Variants in JADE2 observed in about 807,000 individuals in gnomAD.
JADE2 encodes the protein jade family PHD finger 2.
A neutral mutation model predicts 85.7 loss-of-function variants in JADE2; 13 were observed. The ratio of observed to expected loss-of-function variants is 0.15; its 90% CI spans 0.10 to 0.24. The LOEUF (loss-of-function observed/expected upper bound fraction) is 0.24, where lower values mean the gene tolerates loss of function less well. JADE2 is among the 10% of genes least tolerant of loss of function. The pLI is 1.00. For missense variants in JADE2, 846 were observed against 1,115.9 expected, an observed-to-expected ratio of 0.76 and a Z score of 3.45; for synonymous variants, 440 against 456.1, an observed-to-expected ratio of 0.96 and a Z score of 0.45.
chr5:134,570,095 T>C (rs1763898816), intron 9 of JADE2, among the ~76,000 whole-genome samples: 1 of 152,162 alleles, frequency 6.6e-6, no homozygotes, highest in Admixed American at 6.5e-5. Flanking sequence ...TGTCCCTCAC[T>C]GAGGCCAGAA....
chr5:134,531,836 T>C (rs1319645919), intron 1 of JADE2, among the ~76,000 whole-genome samples: 1 of 149,070 alleles, frequency 6.7e-6, no homozygotes, highest in East Asian at 2.0e-4. Context: ...CCACCCACTT[T>C]GGTCTCCCAA....
intron 4 of JADE2, among the ~76,000 whole-genome samples, chr5:134,556,684 ACAC>A (rs1370201633): frequency 1.5e-5 from 2 of 131,784 alleles, no homozygotes; most frequent in African/African-American, 5.9e-5. Context: ...GCACACACAC[ACAC>A]ATCACACAAC....
chr5:134,570,244 G>A (rs1168378273), intron 9 of JADE2, among the ~76,000 whole-genome samples: 4 of 151,962 alleles, frequency 2.6e-5, no homozygotes, highest in Admixed American at 2.6e-4. Context: ...TCAGGACAGC[G>A]TCCCCTCTGT....
chr5:134,534,383 C>T (rs1412124447), intron 1 of JADE2, among the ~76,000 whole-genome samples: 3 of 152,094 alleles, frequency 2.0e-5, no homozygotes, highest in Non-Finnish European at 4.4e-5. Context: ...CCCTTGGAAC[C>T]TCAGCCTCTG....
At chr5:134,554,496 G>T (rs949620932) in intron 4 of JADE2, among the ~76,000 whole-genome samples, 2 of 152,154 alleles carry the variant, frequency 1.3e-5, no homozygotes, top group Non-Finnish European at 2.9e-5. Flanking sequence ...CCTGGCCTGG[G>T]TAATTAATTG....
chr5:134,578,692 C>A lies in JADE2; in HGVS notation c.1880C>A (p.Pro627His), dbSNP rs1764535455. 1 of 1,613,738 alleles carries A rather than the reference C, an allele frequency of 6.2e-7. No homozygotes were observed. The highest frequency in any genetic ancestry group is 8.5e-7 in the Non-Finnish European group (1 of 1,180,006). Residue 627 changes from proline (P) to histidine (H), a missense_variant, in exon 12 of 12, where the codon CCC becomes CAC. This residue lies in a region of JADE2 where 300 missense variants were observed against 300.7 expected (regional missense o/e 1.00). Transcript: ENST00000681547. The surrounding 1 kb of genome is among the most constrained non-coding windows in gnomAD (Gnocchi z 4.4). ...ACACTGCTCAGCTTCATGCGGGACC[C>A]CTCGCTGCGACCTGGTGACCCTGCT... ...EETLLSFMRD[P>H]SLRPGDPARK... is the part of the protein sequence containing the mutation.
At position 134,582,881 on chromosome 5, in the gene JADE2, A is replaced by G. The variant is rs1448943846; in HGVS notation, c.*3564A>G. ...ATATTGAAAAGAGCAATTTTAAATT[A>G]TTTTTGGCTTATGTTGCAATATTTA... On this transcript the variant is annotated 3_prime_UTR_variant, in exon 12 of 12. Coordinates refer to ENST00000681547, the MANE Select transcript of JADE2 (RefSeq NM_001388185.1). 6.6e-6 allele frequency: 1 copy of G among 152,612 alleles called. No homozygotes were observed. The allele number at this position is 152,612 out of a possible 1,614,324, so 9.5% of individuals were successfully genotyped here.
chr5:134,535,712 G>T (rs767106171), intron 1 of JADE2, 146 bp from the exon 2 acceptor site: 3 of 666,622 alleles, frequency 4.5e-6, no homozygotes. Context: ...GGGTGGTGCT[G>T]GCAGAGAAGA....
In JADE2 at chr5:134,525,881, T is replaced by C; in HGVS notation, c.-131T>C. ...CCGCCTCCCTCGCCGCGACCCCGGA[T>C]GGATGCGCGCCCCCCGCCCTCCCGC... On this transcript the variant is annotated 5_prime_UTR_variant, in exon 1 of 12. The change abolishes an upstream ATG in the 5' untranslated region. Coordinates refer to ENST00000681547, the MANE Select transcript of JADE2 (RefSeq NM_001388185.1). 1.0e-6 allele frequency: 1 copy of C among 986,766 alleles called. No homozygotes were observed. The highest frequency in any genetic ancestry group is 1.2e-6 in the Non-Finnish European group (1 of 831,012). The allele number at this position is 986,766 out of a possible 1,614,324, so 61.1% of individuals were successfully genotyped here. A position where few individuals can be genotyped will look rare whatever the true frequency, so the allele number is the denominator to read the frequency against.
chr5:134,574,063 G>A (rs1421238067), intron 10 of JADE2: 5 of 438,432 alleles, frequency 1.1e-5, no homozygotes, highest in Non-Finnish European at 1.7e-5. Context: ...CATGTGAACA[G>A]GTACAGAGAA....
intron 8 of JADE2, among the ~76,000 whole-genome samples, chr5:134,565,060 C>T (rs371214830): frequency 1.3e-5 from 2 of 152,148 alleles, no homozygotes; most frequent in East Asian, 1.9e-4. Context: ...TCAGAATTAC[C>T]TGGAGGGCTT....
intron 1 of JADE2, among the ~76,000 whole-genome samples, chr5:134,527,387 G>A (rs1376730340): frequency 6.6e-6 from 1 of 152,124 alleles, no homozygotes; most frequent in Non-Finnish European, 1.5e-5. Flanking sequence ...GCGATTCGCA[G>A]CTGTTCTGCC....
In JADE2 at chr5:134,566,489, C is replaced by G; in HGVS notation, c.1343C>G (p.Thr448Ser). 6.2e-7 allele frequency: 1 copy of G among 1,612,130 alleles called. No homozygotes were observed. Among genetic ancestry groups the G allele is most frequent in the South Asian group, 1.1e-5 (1 of 90,766 alleles). Residue 448 changes from threonine to serine, a missense_variant, in exon 9 of 12, where the codon ACC becomes AGC. Physicochemically the swap from Thr to Ser is moderately conservative, Grantham distance 58 (BLOSUM62 1). Transcript: ENST00000681547. The surrounding 1 kb of genome is among the most constrained non-coding windows in gnomAD (Gnocchi z 6.7). ...AACCAGCCGCTGCTGACCCCCAAGA[C>G]CGACGAGGTGGACAACCTGGCCCAG... ...NANQPLLTPK[T>S]DEVDNLAQQE...
chr5:134,568,950 A>G (rs987485448), intron 9 of JADE2, among the ~76,000 whole-genome samples: 4 of 152,376 alleles, frequency 2.6e-5, no homozygotes, highest in Middle Eastern at 6.8e-3. Flanking sequence ...CAGCCTGGGC[A>G]GGAATCATCG....
At position 134,562,305 on chromosome 5, in the gene JADE2, T is replaced by C. The variant is rs1255348609; in HGVS notation, c.790T>C (p.Leu264=). Reference sequence around the variant, plus strand: ...GCTCTGCCCCAAGCGAGGAGGAGCCTTGAAGCCCACTAGAAGTGGGACCAA... The same window carrying C: ...GCTCTGCCCCAAGCGAGGAGGAGCCCTGAAGCCCACTAGAAGTGGGACCAA... ...CLLCPKRGGA[L]KPTRSGTKWV... is the part of the protein sequence containing the mutation. Residue 264 remains leucine (L), a synonymous_variant, in exon 7 of 12, where the codon TTG becomes CTG. Coordinates refer to ENST00000681547, the MANE Select transcript of JADE2 (RefSeq NM_001388185.1). The surrounding 1 kb of genome is among the most constrained non-coding windows in gnomAD (Gnocchi z 4.6). The C allele has an allele frequency of 3.1e-6, 5 of 1,614,048 alleles. No individual in the cohort carries two copies. The highest frequency in any genetic ancestry group is 3.4e-6 in the Non-Finnish European group (4 of 1,179,992).
chr5:134,534,219 G>C (rs1015069096), intron 1 of JADE2, among the ~76,000 whole-genome samples: 4 of 152,134 alleles, frequency 2.6e-5, no homozygotes, highest in African/African-American at 9.7e-5. Context: ...TCTGCAAAAG[G>C]GAAGCAGCCA....
chr5:134,528,746 C>T (rs6894631), intron 1 of JADE2, among the ~76,000 whole-genome samples: 29,644 of 152,074 alleles, frequency 0.19, 3,389 homozygotes, highest in East Asian at 0.53. Context: ...GCAGGACTTG[C>T]AGTGAATATT....
At chr5:134,527,697 C>A (rs1198592340) in intron 1 of JADE2, among the ~76,000 whole-genome samples, 1 of 149,392 alleles carries the variant, frequency 6.7e-6, no homozygotes, top group South Asian at 2.3e-4. Flanking sequence ...CTCCAGCCTG[C>A]GGTCCCGCGG....
At chr5:134,552,420 A>G (rs1762647444) in intron 4 of JADE2, among the ~76,000 whole-genome samples, 1 of 152,244 alleles carries the variant, frequency 6.6e-6, no homozygotes, top group Admixed American at 6.5e-5. Flanking sequence ...GCTTGGCTAT[A>G]GAGCCAGAAT....
Sources: gnomAD v4.1 joint callset for allele counts (sites outside exome capture counted in the v4.1 genomes callset) on GRCh38, gnomAD v4.1.1 for gene constraint, gnomAD v4.1.1 regional missense constraint, Gnocchi (gnomAD v3.1) non-coding constraint, MANE v1.5 for transcripts, NCBI Gene and HGNC (gene_info 2026-07-23, HGNC 2026-07-21) for gene names.